Variants in MTHFD1L observed in about 807,000 individuals in gnomAD.
The protein encoded by MTHFD1L is methylenetetrahydrofolate dehydrogenase (NADP+ dependent) 1 like, also known as monofunctional C1-tetrahydrofolate synthase, mitochondrial.
Under a neutral mutation model 119.5 loss-of-function variants are expected in MTHFD1L, and 81 were observed. The ratio of observed to expected loss-of-function variants is 0.68; its 90% CI spans 0.57 to 0.82. The LOEUF (loss-of-function observed/expected upper bound fraction) is 0.82. MTHFD1L is among the 40% of genes least tolerant of loss of function. The pLI is 0.00. For synonymous variants in MTHFD1L, 430 were observed against 475.2 expected (o/e 0.90, Z 1.24); for missense variants, 1,125 against 1,253.4 (o/e 0.90, Z 1.55).
intron 27 of MTHFD1L, among the ~76,000 whole-genome samples, chr6:151,094,442 A>C (rs1388818258): frequency 6.6e-6 from 1 of 152,182 alleles, no homozygotes; most frequent in Admixed American, 6.5e-5. Flanking sequence ...TGCTCACTGC[A>C]ACCTCCGCCT....
In MTHFD1L at chr6:150,869,654, G is replaced by C. The variant is rs190830433; in HGVS notation, c.227+3605G>C. 2.3e-3 allele frequency among the ~76,000 whole-genome samples: 346 copies of C among 152,140 alleles called. 2 individuals carry two copies. Among genetic ancestry groups the C allele is most frequent in the African/African-American group, 7.8e-3 (324 of 41,498 alleles). On this transcript the variant is annotated intron_variant, in intron 1 of 27. Coordinates refer to ENST00000367321, the MANE Select transcript of MTHFD1L (RefSeq NM_015440.5). ...TTGCAGGCATGAGCCACCACGCCTG[G>C]CTATATTGTACCTTTCAATTGAGTT...
chr6:150,925,078 G>A (rs1789702566), intron 10 of MTHFD1L, among the ~76,000 whole-genome samples: 1 of 152,256 alleles, frequency 6.6e-6, no homozygotes, highest in African/African-American at 2.4e-5. Flanking sequence ...TGAACACTGA[G>A]GGTAGATTAC....
At chr6:150,939,743 G>A (rs1225232895) in intron 13 of MTHFD1L, among the ~76,000 whole-genome samples, 2 of 148,584 alleles carry the variant, frequency 1.3e-5, no homozygotes, top group African/African-American at 5.0e-5. Flanking sequence ...GGAGTGCAGT[G>A]GCACAGTCTC....
chr6:150,981,194 T>A (rs941388478), intron 20 of MTHFD1L, among the ~76,000 whole-genome samples: 2 of 152,202 alleles, frequency 1.3e-5, no homozygotes, highest in African/African-American at 4.8e-5. Context: ...TGTAACCAGT[T>A]GACACCCGCA....
At chr6:150,881,107 G>A (rs1443273040) in intron 4 of MTHFD1L, among the ~76,000 whole-genome samples, 2 of 152,120 alleles carry the variant, frequency 1.3e-5, no homozygotes, top group East Asian at 3.8e-4. Context: ...TCCCACTGAT[G>A]TATTTTTGCT....
At chr6:150,891,067 CCT>C (rs1783179980) in intron 7 of MTHFD1L, among the ~76,000 whole-genome samples, 1 of 152,216 alleles carries the variant, frequency 6.6e-6, no homozygotes, top group South Asian at 2.1e-4. Flanking sequence ...CTCACTGCAA[CCT>C]CTGTCTCCTG....
At chr6:150,903,252 C>T (rs1041447270) in intron 7 of MTHFD1L, among the ~76,000 whole-genome samples, 1 of 126,756 alleles carries the variant, frequency 7.9e-6, no homozygotes, top group South Asian at 2.6e-4. Context: ...GAGTCTTGCT[C>T]CATCGCCCAG....
chr6:151,013,381 C>T (rs1459962856), intron 21 of MTHFD1L, among the ~76,000 whole-genome samples: 2 of 152,034 alleles, frequency 1.3e-5, no homozygotes, highest in African/African-American at 2.4e-5. Flanking sequence ...TGGCAATTAC[C>T]GTAAAATGAT....
At chr6:150,997,227 C>T (rs996462405) in intron 20 of MTHFD1L, among the ~76,000 whole-genome samples, 1 of 152,180 alleles carries the variant, frequency 6.6e-6, no homozygotes, top group African/African-American at 2.4e-5. Context: ...GGGCTAGTGC[C>T]TGAGCCGATG....
chr6:150,969,369 A>G (rs957494844), intron 19 of MTHFD1L, among the ~76,000 whole-genome samples: 10 of 152,156 alleles, frequency 6.6e-5, no homozygotes, highest in African/African-American at 2.4e-4. Context: ...AGCAAATAAA[A>G]GTAAGGGCAA....
At chr6:151,040,753 C>A (rs1305351562) in intron 26 of MTHFD1L, among the ~76,000 whole-genome samples, 1 of 152,142 alleles carries the variant, frequency 6.6e-6, no homozygotes, top group African/African-American at 2.4e-5. Context: ...AATTTAAAAT[C>A]TTTGGAGTCA....
intron 26 of MTHFD1L, among the ~76,000 whole-genome samples, chr6:151,052,343 C>T (rs942515457): frequency 3.9e-5 from 6 of 152,308 alleles, no homozygotes; most frequent in East Asian, 1.9e-4. Context: ...CTGCTATGCA[C>T]TGTGCACTGA....
At chr6:151,019,193 C>T (rs1241945599) in intron 24 of MTHFD1L, among the ~76,000 whole-genome samples, 1 of 112,352 alleles carries the variant, frequency 8.9e-6, no homozygotes, top group African/African-American at 3.2e-5. Flanking sequence ...GAGAGTCACC[C>T]CCAGATCCTG....
intron 27 of MTHFD1L, among the ~76,000 whole-genome samples, chr6:151,093,879 C>A (rs577326716): frequency 6.6e-6 from 1 of 152,158 alleles, no homozygotes; most frequent in Non-Finnish European, 1.5e-5. Context: ...TTGATGACTT[C>A]GGGTTTGCAC....
intron 15 of MTHFD1L, among the ~76,000 whole-genome samples, chr6:150,946,759 A>G (rs1794014296): frequency 6.6e-6 from 1 of 152,010 alleles, no homozygotes; most frequent in African/African-American, 2.4e-5. Context: ...TCTGTTTCCC[A>G]GATCTTTTTT....
In MTHFD1L at chr6:151,013,810, A is replaced by G. The variant is rs762014300; in HGVS notation, c.2297A>G (p.Tyr766Cys). 3.1e-6 allele frequency: 5 copies of G among 1,612,452 alleles called. No individual in the cohort carries two copies. In the Admixed American group the frequency reaches 5.0e-5, roughly 16 times the overall value. Residue 766 changes from tyrosine (Y) to cysteine (C), a missense_variant, in exon 22 of 28, where the codon TAT becomes TGT. Coordinates refer to ENST00000367321, the MANE Select transcript of MTHFD1L (RefSeq NM_015440.5). ...VTAGVPLKKEYTEENIQLVAD... is the reference protein window; with the variant it reads ...VTAGVPLKKECTEENIQLVAD... ...GCTGGTGTTCCTCTTAAGAAAGAATATACAGAGGAGGTAAGAGGAGCTGTT... is the reference window on the plus strand; with the variant it reads ...GCTGGTGTTCCTCTTAAGAAAGAATGTACAGAGGAGGTAAGAGGAGCTGTT...
At chr6:151,091,887 A>T (rs1794477342) in intron 26 of MTHFD1L, among the ~76,000 whole-genome samples, 1 of 152,192 alleles carries the variant, frequency 6.6e-6, no homozygotes, top group African/African-American at 2.4e-5. Flanking sequence ...TGGAAATAAT[A>T]AAAGTTCCTA....
At chr6:150,873,385 T>G (rs1214965869) in intron 1 of MTHFD1L, among the ~76,000 whole-genome samples, 3 of 152,148 alleles carry the variant, frequency 2.0e-5, no homozygotes, top group Non-Finnish European at 2.9e-5. Flanking sequence ...CTGAGAAAAT[T>G]ATTGCTGTTA....
intron 18 of MTHFD1L, 139 bp downstream of exon 18, chr6:150,960,554 G>A (rs1170564175): frequency 3.2e-5 from 38 of 1,197,222 alleles, no homozygotes; most frequent in Middle Eastern, 2.3e-4. Flanking sequence ...TTTCTTCCCC[G>A]ACAAGCATGT....
Sources: gnomAD v4.1 joint callset for allele counts (sites outside exome capture counted in the v4.1 genomes callset) on GRCh38, gnomAD v4.1.1 for gene constraint, MANE v1.5 for transcripts, NCBI Gene and HGNC (gene_info 2026-07-23, HGNC 2026-07-21) for gene names.